Variants in ARHGAP24 observed in about 807,000 individuals in gnomAD.
The protein encoded by ARHGAP24 is rho GTPase-activating protein 24.
A neutral mutation model predicts 76.4 loss-of-function variants in ARHGAP24; 50 were observed. The ratio of observed to expected loss-of-function variants is 0.65; its 90% confidence interval spans 0.52 to 0.83. The LOEUF (loss-of-function observed/expected upper bound fraction) is 0.83. Ranked by LOEUF, ARHGAP24 falls within the 40% of genes least tolerant of loss-of-function variation. ARHGAP24 has a pLI of 0.00. For synonymous variants in ARHGAP24, 345 were observed against 323.3 expected, an observed-to-expected ratio of 1.07 and a Z score of -0.72; for missense variants, 930 against 914.2, an observed-to-expected ratio of 1.02 and a Z score of -0.22.
intron 3 of ARHGAP24, among the ~76,000 whole-genome samples, chr4:85,796,512 G>A (rs1017636299): frequency 2.0e-5 from 3 of 152,110 alleles, no homozygotes; most frequent in Admixed American, 6.6e-5. Flanking sequence ...AAATTGAGAA[G>A]TCCAAGGGAA....
chr4:85,993,849 T>G (rs1437154959), intron 8 of ARHGAP24, among the ~76,000 whole-genome samples: 1 of 152,206 alleles, frequency 6.6e-6, no homozygotes, highest in Non-Finnish European at 1.5e-5. Flanking sequence ...GCCATTTTTC[T>G]TAAGTAAACA....
At chr4:85,971,958 C>A in intron 5 of ARHGAP24, 78 bp from the exon 6 acceptor site, 1 of 1,604,514 alleles carries the variant, frequency 6.2e-7, no homozygotes, top group Non-Finnish European at 8.5e-7. Flanking sequence ...AATTCTGACT[C>A]CTGGGCTCTT....
At chr4:85,679,600 T>C (rs1002831420) in intron 2 of ARHGAP24, among the ~76,000 whole-genome samples, 11 of 152,172 alleles carry the variant, frequency 7.2e-5, no homozygotes, top group Non-Finnish European at 1.3e-4. Flanking sequence ...ACATTACACA[T>C]TTTCTACTCA....
intron 3 of ARHGAP24, among the ~76,000 whole-genome samples, chr4:85,827,524 A>C (rs1384287699): frequency 8.6e-6 from 1 of 116,504 alleles, no homozygotes; most frequent in Admixed American, 8.3e-5. Flanking sequence ...GTGTTTAGAG[A>C]GAGAGAGAGA....
At chr4:85,865,606 A>G (rs956539195) in intron 3 of ARHGAP24, among the ~76,000 whole-genome samples, 2 of 149,206 alleles carry the variant, frequency 1.3e-5, no homozygotes, top group African/African-American at 4.9e-5. Context: ...AAAATCATGC[A>G]TTATAATTAG....
chr4:85,793,393 C>G (rs556618797), intron 3 of ARHGAP24, among the ~76,000 whole-genome samples: 109 of 152,158 alleles, frequency 7.2e-4, no homozygotes, highest in African/African-American at 2.5e-3. Flanking sequence ...TGATTTCTGG[C>G]CATGGTTTTG....
At chr4:85,564,259 G>A (rs1726714474) in intron 1 of ARHGAP24, among the ~76,000 whole-genome samples, 1 of 152,032 alleles carries the variant, frequency 6.6e-6, no homozygotes, top group Non-Finnish European at 1.5e-5. Context: ...CCCTAAAAAG[G>A]ACATGAACTC....
intron 2 of ARHGAP24, among the ~76,000 whole-genome samples, chr4:85,590,895 A>G (rs1459815591): frequency 6.6e-6 from 1 of 152,132 alleles, no homozygotes; most frequent in African/African-American, 2.4e-5. Flanking sequence ...AAAAATATGT[A>G]CAGGAAAAAA....
intron 3 of ARHGAP24, among the ~76,000 whole-genome samples, chr4:85,827,518 T>TGTGTGTGTGTGTGTG (rs1368669294): frequency 2.4e-4 from 14 of 57,924 alleles, no homozygotes; most frequent in Non-Finnish European, 3.6e-4. Flanking sequence ...GTGTGTGTGT[T>TGTGTGTGTGTGTGTG]TAGAGAGAGA....
At chr4:85,787,529 G>C (rs1169677367) in intron 3 of ARHGAP24, among the ~76,000 whole-genome samples, 2 of 152,108 alleles carry the variant, frequency 1.3e-5, no homozygotes, top group African/African-American at 4.8e-5. Flanking sequence ...TCAAAAAAAA[G>C]TGTTTTGGAT....
At chr4:85,565,253 T>C (rs1007899170) in intron 1 of ARHGAP24, among the ~76,000 whole-genome samples, 49 of 152,106 alleles carry the variant, frequency 3.2e-4, no homozygotes, top group Non-Finnish European at 6.6e-4. Flanking sequence ...TGCAGTTATA[T>C]ACTGTGTACA....
intron 1 of ARHGAP24, among the ~76,000 whole-genome samples, chr4:85,485,148 A>G (rs1722971759): frequency 1.3e-5 from 2 of 150,940 alleles, no homozygotes; most frequent in Admixed American, 6.6e-5. Flanking sequence ...GATCGAGACC[A>G]TCCTGGCTAA....
chr4:85,714,353 G>T (rs1436818544), intron 2 of ARHGAP24, among the ~76,000 whole-genome samples: 1 of 152,006 alleles, frequency 6.6e-6, no homozygotes, highest in Non-Finnish European at 1.5e-5. Context: ...AGTCTCCTAG[G>T]ATCTGAATAC....
rs190693002 is a variant in ARHGAP24 at position 85,932,551 on chromosome 4, A to G, written c.391+8781A>G. Among the ~76,000 whole-genome samples the G allele has an allele frequency of 5.1e-4, 77 of 151,574 alleles. 1 individual carries two copies. The highest frequency in any genetic ancestry group is 3.0e-3 in the Admixed American group (46 of 15,176). On this transcript the variant is annotated intron_variant, in intron 4 of 9. Coordinates refer to ENST00000395184, the MANE Select transcript of ARHGAP24 (RefSeq NM_001025616.3). ...TTTCTCCTTAAATACTAAGCGGGGA[A>G]GGCAGTGCCTGGGAAGAACATTCCC...
At chr4:85,609,913 A>C (rs1319519580) in intron 2 of ARHGAP24, among the ~76,000 whole-genome samples, 2 of 152,210 alleles carry the variant, frequency 1.3e-5, no homozygotes, top group Non-Finnish European at 2.9e-5. Flanking sequence ...GAGATCCTTC[A>C]TTGCTTAGCA....
At chr4:85,672,358 G>A (rs1722841075) in intron 2 of ARHGAP24, among the ~76,000 whole-genome samples, 1 of 152,174 alleles carries the variant, frequency 6.6e-6, no homozygotes, top group Non-Finnish European at 1.5e-5. Context: ...TCCTTTGGGA[G>A]TGAGCAAGTG....
chr4:85,828,508 C>T (rs1423907090), intron 3 of ARHGAP24, among the ~76,000 whole-genome samples: 1 of 146,764 alleles, frequency 6.8e-6, no homozygotes, highest in Non-Finnish European at 1.5e-5. Context: ...TGTGTGTCTG[C>T]GTGTGTGTTT....
chr4:85,967,584 A>T (rs1738696558), intron 5 of ARHGAP24, among the ~76,000 whole-genome samples: 1 of 152,134 alleles, frequency 6.6e-6, no homozygotes, highest in South Asian at 2.1e-4. Flanking sequence ...CAGTTAAGGG[A>T]CATATGCTAC....
chr4:85,903,553 G>A (rs888315301), intron 3 of ARHGAP24, among the ~76,000 whole-genome samples: 33 of 151,952 alleles, frequency 2.2e-4, no homozygotes, highest in African/African-American at 7.2e-4. Flanking sequence ...TCCATTAGCA[G>A]CATAAAGCTG....
Sources: allele counts gnomAD v4.1 joint callset (sites outside exome capture counted in the v4.1 genomes callset), GRCh38; gene constraint gnomAD v4.1.1; transcripts MANE v1.5; gene names NCBI Gene and HGNC (gene_info 2026-07-23, HGNC 2026-07-21).